The following PAK1 variants were observed in gnomAD, a reference collection of about 807,000 sequenced individuals.
PAK1 encodes the protein p21 (RAC1) activated kinase 1.
Under a neutral mutation model 67.4 loss-of-function variants are expected in PAK1, and 29 were observed. The observed-to-expected ratio is 0.43, with a 90% CI of 0.32 to 0.59. The LOEUF is 0.59. PAK1 is among the 20% of genes least tolerant of loss of function. The pLI is 0.07. For missense variants in PAK1, 337 were observed against 670.7 expected, an observed-to-expected ratio of 0.50 and a Z score of 5.50; for synonymous variants, 223 against 237.4, an observed-to-expected ratio of 0.94 and a Z score of 0.56.
chr11:77,331,284 G>A (rs1255725959), intron 14 of PAK1, among the ~76,000 whole-genome samples: 2 of 152,090 alleles, frequency 1.3e-5, no homozygotes, highest in East Asian at 1.9e-4. Context: ...CCCATTACTG[G>A]GTATATACCC....
rs889426394 is a variant in PAK1, at chr11:77,418,105, T to TA, written c.-21-25565dup. On this transcript the variant is annotated intron_variant, in intron 1 of 14. Transcript: ENST00000356341. ...CTCTAAAAAATAAAATCTATTAAAA[T>TA]AAAAAAGTATCAAGCAAAAAAATAG... Among the ~76,000 whole-genome samples the TA allele has an allele frequency of 2.6e-5, 4 of 152,050 alleles. No individual in the cohort carries two copies. The East Asian group carries it at 7.7e-4, about 29-fold the overall frequency.
intron 2 of PAK1, among the ~76,000 whole-genome samples, chr11:77,383,645 A>G (rs907589124): frequency 6.6e-6 from 1 of 152,044 alleles, no homozygotes; most frequent in Admixed American, 6.6e-5. Flanking sequence ...TAATATTTAG[A>G]CTGAGTATTC....
the PAK1 span, among the ~76,000 whole-genome samples, chr11:77,498,691 ATTTTTTTTTT>A: frequency 2.8e-5 from 2 of 72,052 alleles, no homozygotes; most frequent in South Asian, 5.9e-4. Flanking sequence ...CTTGCTTGTA[ATTTTTTTTTT>A]TTTTTTTTTT....
chr11:77,475,274 C>T (rs1237884503), upstream of PAK1: 1 of 152,222 alleles, frequency 6.6e-6, no homozygotes, highest in Non-Finnish European at 1.5e-5. Context: ...GTAGCTTCTC[C>T]TAAATATTTT....
intron 5 of PAK1, among the ~76,000 whole-genome samples, chr11:77,368,389 T>G (rs1382882470): frequency 2.0e-5 from 3 of 152,232 alleles, no homozygotes; most frequent in African/African-American, 7.2e-5. Context: ...AACGTGAGGG[T>G]AGCATAGAGA....
chr11:77,402,572 G>C (rs1024754587), intron 1 of PAK1, among the ~76,000 whole-genome samples: 1 of 151,934 alleles, frequency 6.6e-6, no homozygotes, highest in South Asian at 2.1e-4. Flanking sequence ...ACAGGTTGAG[G>C]CCTGTAAGGC....
intron 1 of PAK1, among the ~76,000 whole-genome samples, chr11:77,400,838 G>A (rs776588508): frequency 6.6e-6 from 1 of 152,186 alleles, no homozygotes; most frequent in East Asian, 1.9e-4. Flanking sequence ...GTCAGCTACC[G>A]TTTGACAAGC....
At chr11:77,417,851 C>A (rs1955054092) in intron 1 of PAK1, among the ~76,000 whole-genome samples, 1 of 151,914 alleles carries the variant, frequency 6.6e-6, no homozygotes, top group Admixed American at 6.6e-5. Flanking sequence ...CCTCGTGCCT[C>A]AGCCTCCCGA....
At chr11:77,371,395 A>AT (rs1565628319) in intron 5 of PAK1, among the ~76,000 whole-genome samples, 1 of 151,852 alleles carries the variant, frequency 6.6e-6, no homozygotes, top group Non-Finnish European at 1.5e-5. Flanking sequence ...TCTGTCATTA[A>AT]TTTTTTTTCT....
chr11:77,527,420 G>A, the PAK1 span, among the ~76,000 whole-genome samples: 1 of 152,270 alleles, frequency 6.6e-6, no homozygotes, highest in South Asian at 2.1e-4. Context: ...TTAATTTATA[G>A]AGCATTTATT....
At chr11:77,442,758 C>A (rs557271847) in intron 1 of PAK1, among the ~76,000 whole-genome samples, 1 of 152,286 alleles carries the variant, frequency 6.6e-6, no homozygotes, top group East Asian at 1.9e-4. Context: ...ACTAATACAA[C>A]CATCAAACTA....
chr11:77,461,962 A>G (rs1169243790), intron 1 of PAK1, among the ~76,000 whole-genome samples: 1 of 152,194 alleles, frequency 6.6e-6, no homozygotes, highest in Non-Finnish European at 1.5e-5. Context: ...GTAACATGCA[A>G]TTCCTCAGCT....
chr11:77,381,486 T>C (rs1047532686), intron 2 of PAK1, among the ~76,000 whole-genome samples: 3 of 152,208 alleles, frequency 2.0e-5, no homozygotes, highest in East Asian at 3.9e-4. Flanking sequence ...ATCCAAAAAG[T>C]CTGGCATCAA....
intron 1 of PAK1, among the ~76,000 whole-genome samples, chr11:77,452,912 C>A (rs963719516): frequency 6.6e-6 from 1 of 152,160 alleles, no homozygotes; most frequent in Middle Eastern, 3.2e-3. Context: ...TGCCTCACAG[C>A]AAATCAGGCT....
chr11:77,427,138 G>T (rs1955593626), intron 1 of PAK1, among the ~76,000 whole-genome samples: 1 of 152,154 alleles, frequency 6.6e-6, no homozygotes, highest in Admixed American at 6.5e-5. Context: ...GTGCAGACTG[G>T]TAAAGTCACT....
chr11:77,335,602 C>T (rs971136818), intron 13 of PAK1, among the ~76,000 whole-genome samples: 3 of 152,180 alleles, frequency 2.0e-5, no homozygotes, highest in Non-Finnish European at 2.9e-5. Flanking sequence ...TTACAACAGT[C>T]TCTCGCAGTC....
chr11:77,381,230 G>A (rs1409618304), intron 2 of PAK1, among the ~76,000 whole-genome samples: 1 of 151,328 alleles, frequency 6.6e-6, no homozygotes, highest in African/African-American at 2.4e-5. Flanking sequence ...TCTAAACAAG[G>A]GAGAGGATGA....
chr11:77,507,054 C>T, the PAK1 span, among the ~76,000 whole-genome samples: 9 of 152,128 alleles, frequency 5.9e-5, no homozygotes, highest in African/African-American at 2.2e-4. Flanking sequence ...TGTTGAATGA[C>T]CGAGTATGGA....
the PAK1 span, among the ~76,000 whole-genome samples, chr11:77,480,481 T>G: frequency 6.6e-6 from 1 of 151,992 alleles, no homozygotes; most frequent in African/African-American, 2.4e-5. Context: ...TGGAAGTCCT[T>G]TATTGTAAAG....
Sources: allele counts gnomAD v4.1 joint callset (sites outside exome capture counted in the v4.1 genomes callset), GRCh38; gene constraint gnomAD v4.1.1; transcripts MANE v1.5; gene names NCBI Gene and HGNC (gene_info 2026-07-23, HGNC 2026-07-21).